The following ZCCHC14 variants were observed in gnomAD, a reference collection of about 807,000 sequenced individuals.
ZCCHC14 encodes the protein zinc finger CCHC-type containing 14, also known as zinc finger CCHC domain-containing protein 14.
In ZCCHC14, 16 loss-of-function variants were observed where a neutral mutation model predicts 85.0. The observed-to-expected ratio is 0.19, with a 90% CI of 0.13 to 0.29. ZCCHC14 has a LOEUF of 0.29. Ranked by LOEUF, ZCCHC14 falls within the 10% of genes least tolerant of loss-of-function variation. The pLI, the probability that ZCCHC14 is intolerant of heterozygous loss-of-function variation, is 1.00. For missense variants in ZCCHC14, 1,303 were observed against 1,443.5 expected, an observed-to-expected ratio of 0.90 and a Z score of 1.58; for synonymous variants, 775 against 630.7, an observed-to-expected ratio of 1.23 and a Z score of -3.43.
Position 87,420,867 on chromosome 16 carries a change from C to T in ZCCHC14, c.841-151G>A. On this transcript the variant is annotated intron_variant, in intron 4 of 12. Coordinates refer to ENST00000671377, the MANE Select transcript of ZCCHC14 (RefSeq NM_015144.3). The surrounding 1 kb of genome is among the most constrained non-coding windows in gnomAD (Gnocchi z 5.0). Reference sequence around the variant, plus strand: ...ACCTCCCGTCAGAGCTATTCTGGGGCCCACATCCACTTAGGGTGTAGAAAG... The same window carrying T: ...ACCTCCCGTCAGAGCTATTCTGGGGTCCACATCCACTTAGGGTGTAGAAAG... 2 of 577,918 alleles carry T rather than the reference C, an allele frequency of 3.5e-6. No homozygotes were observed. Among genetic ancestry groups the T allele is most frequent in the South Asian group, 2.2e-5 (1 of 44,826 alleles). 35.8% of individuals were successfully genotyped at this position (577,918 alleles called of 1,614,324 possible).
At chr16:87,432,577 G>A (rs561937504) in intron 3 of ZCCHC14, among the ~76,000 whole-genome samples, 1 of 152,264 alleles carries the variant, frequency 6.6e-6, no homozygotes, top group South Asian at 2.1e-4. Flanking sequence ...ACAGCGTCCA[G>A]GGAACGGGGT....
At chr16:87,470,441 G>A (rs1170529435) in intron 1 of ZCCHC14, 2 of 125,812 alleles carry the variant, frequency 1.6e-5, no homozygotes, top group South Asian at 4.3e-4. Context: ...TGCTCATAAA[G>A]CTGCAGGGGG....
rs1265228619 is a variant in ZCCHC14, at chr16:87,412,163, G to C, written c.2558C>G (p.Ser853Cys). Reference protein sequence around the residue: ...TASPSSHPSTSFANMATLPSC... With the variant: ...TASPSSHPSTCFANMATLPSC... ...GGGCAACGTGGCCATGTTGGCAAAGGACGTGGAGGGGTGGCTGCTGGGAGA... is the reference window on the plus strand; with the variant it reads ...GGGCAACGTGGCCATGTTGGCAAAGCACGTGGAGGGGTGGCTGCTGGGAGA... Residue 853 changes from serine to cysteine, a missense_variant, in exon 12 of 13, where the codon TCC becomes TGC. Ser to Cys is a moderately radical substitution (Grantham distance 112). Around this residue, in one of 7 missense-constraint regions of ZCCHC14, gnomAD observed 797 missense variants for 730.8 expected, o/e 1.09. Coordinates refer to ENST00000671377, the MANE Select transcript of ZCCHC14 (RefSeq NM_015144.3). 3.1e-6 allele frequency: 5 copies of C among 1,613,948 alleles called. No homozygotes were observed. Among genetic ancestry groups the C allele is most frequent in the Non-Finnish European group, 4.2e-6 (5 of 1,180,044 alleles).
intron 2 of ZCCHC14, among the ~76,000 whole-genome samples, chr16:87,449,999 A>G (rs1367313031): frequency 6.6e-6 from 1 of 152,226 alleles, no homozygotes; most frequent in Non-Finnish European, 1.5e-5. Context: ...GAACTGAAAA[A>G]TTGAGGCACT....
chr16:87,463,585 G>A (rs763165789), intron 1 of ZCCHC14, among the ~76,000 whole-genome samples: 5 of 152,122 alleles, frequency 3.3e-5, no homozygotes, highest in Admixed American at 2.0e-4. Flanking sequence ...CTGGGAGGCC[G>A]AGGCGGACAG....
intron 2 of ZCCHC14, among the ~76,000 whole-genome samples, chr16:87,455,352 C>T (rs1312809620): frequency 6.6e-6 from 1 of 151,906 alleles, no homozygotes; most frequent in African/African-American, 2.4e-5. Context: ...ATACCATGAG[C>T]TGGCCTCGGC....
chr16:87,433,942 CCTTT>C (rs2150738830), intron 2 of ZCCHC14, among the ~76,000 whole-genome samples: 1 of 152,342 alleles, frequency 6.6e-6, no homozygotes, highest in African/African-American at 2.4e-5. Context: ...CCGTGCCTGG[CCTTT>C]CTTTTCAGGA....
Position 87,454,459 on chromosome 16 carries a change from A to G in ZCCHC14, c.694+5549T>C, listed in dbSNP as rs1045662523. Among the ~76,000 whole-genome samples the G allele has an allele frequency of 2.8e-4, 43 of 152,268 alleles. 1 individual carries two copies. The highest frequency in any genetic ancestry group is 9.9e-4 in the African/African-American group (41 of 41,484). Reference sequence around the variant, plus strand: ...TAGAGGACTTTTCTTTAGAAAAACAAGAGCCAGAATATAGCAAAATGACAT... The same window carrying G: ...TAGAGGACTTTTCTTTAGAAAAACAGGAGCCAGAATATAGCAAAATGACAT... On this transcript the variant is annotated intron_variant, in intron 2 of 12. Coordinates refer to ENST00000671377, the MANE Select transcript of ZCCHC14 (RefSeq NM_015144.3).
intron 1 of ZCCHC14, among the ~76,000 whole-genome samples, chr16:87,482,514 TCCCAAACAAAATCC>T (rs1290857780): frequency 1.3e-5 from 2 of 152,038 alleles, no homozygotes; most frequent in African/African-American, 2.4e-5. Context: ...GCCATATTTA[TCCCAAACAAAATCC>T]CCCAAAAAAA....
At chr16:87,424,700 C>G (rs1909280175) in intron 3 of ZCCHC14, among the ~76,000 whole-genome samples, 1 of 152,070 alleles carries the variant, frequency 6.6e-6, no homozygotes, top group Non-Finnish European at 1.5e-5. Flanking sequence ...GGAGAGCGTA[C>G]TTTTTGCACA....
intron 1 of ZCCHC14, among the ~76,000 whole-genome samples, chr16:87,479,493 A>C (rs1298708696): frequency 6.6e-6 from 1 of 152,172 alleles, no homozygotes; most frequent in Non-Finnish European, 1.5e-5. Flanking sequence ...AAATGTCCCA[A>C]ATAATTAGAC....
chr16:87,455,451 A>C (rs373769383), intron 2 of ZCCHC14, among the ~76,000 whole-genome samples: 1 of 152,164 alleles, frequency 6.6e-6, no homozygotes, highest in Non-Finnish European at 1.5e-5. Flanking sequence ...AAAGGTAAAG[A>C]TGTGTAGTGC....
At chr16:87,468,369 G>C (rs927975784) in intron 1 of ZCCHC14, among the ~76,000 whole-genome samples, 2 of 152,044 alleles carry the variant, frequency 1.3e-5, no homozygotes, top group Non-Finnish European at 2.9e-5. Flanking sequence ...AAATTCAGGA[G>C]AGTATGTGTC....
intron 1 of ZCCHC14, among the ~76,000 whole-genome samples, chr16:87,468,338 T>C (rs539838362): frequency 3.6e-4 from 55 of 152,306 alleles, no homozygotes; most frequent in African/African-American, 1.3e-3. Flanking sequence ...CATTAAGAGA[T>C]ATCTTAAGGA....
At chr16:87,442,518 G>A (rs1401184061) in intron 2 of ZCCHC14, among the ~76,000 whole-genome samples, 1 of 152,098 alleles carries the variant, frequency 6.6e-6, no homozygotes, top group Non-Finnish European at 1.5e-5. Flanking sequence ...GAGATGCACA[G>A]ACAGACAGAA....
Position 87,411,767 on chromosome 16 carries a change from G to T in ZCCHC14, c.2954C>A (p.Pro985His). ...GCTGCTGTAAGGGGCGTGCACGACGGGGAAGGTGGAGCCGCCGCCGTACTG... is the reference window on the plus strand; with the variant it reads ...GCTGCTGTAAGGGGCGTGCACGACGTGGAAGGTGGAGCCGCCGCCGTACTG... ...AQQYGGGSTFPVVHAPYSSSG... is the reference protein window; with the variant it reads ...AQQYGGGSTFHVVHAPYSSSG... Residue 985 changes from proline (P) to histidine (H), a missense_variant, in exon 12 of 13, where the codon CCC becomes CAC. Physicochemically the swap from Pro to His is moderately conservative, Grantham distance 77. This residue lies in a region of ZCCHC14 where 797 missense variants were observed against 730.8 expected (regional missense o/e 1.09). Transcript: ENST00000671377. The T allele has an allele frequency of 6.2e-7, 1 of 1,612,002 alleles. No homozygotes were observed. The highest frequency in any genetic ancestry group is 8.5e-7 in the Non-Finnish European group (1 of 1,178,878).
intron 1 of ZCCHC14, among the ~76,000 whole-genome samples, chr16:87,488,715 C>CTA (rs1193402855): frequency 1.3e-5 from 2 of 152,160 alleles, no homozygotes; most frequent in Non-Finnish European, 2.9e-5. Flanking sequence ...GTAGCAGGGA[C>CTA]TACAAGTGTG....
At chr16:87,432,588 G>A (rs1909716134) in intron 3 of ZCCHC14, among the ~76,000 whole-genome samples, 1 of 152,082 alleles carries the variant, frequency 6.6e-6, no homozygotes, top group Non-Finnish European at 1.5e-5. Context: ...GGAACGGGGT[G>A]GCCTCCTGCA....
At chr16:87,449,811 G>A (rs570253397) in intron 2 of ZCCHC14, among the ~76,000 whole-genome samples, 21 of 152,288 alleles carry the variant, frequency 1.4e-4, no homozygotes, top group Non-Finnish European at 2.1e-4. Context: ...TTGGGAGGCC[G>A]AGGTGGGTGG....
Sources: allele counts gnomAD v4.1 joint callset (sites outside exome capture counted in the v4.1 genomes callset), GRCh38; gene constraint gnomAD v4.1.1; regional missense constraint gnomAD v4.1.1; non-coding constraint Gnocchi (gnomAD v3.1); transcripts MANE v1.5; gene names NCBI Gene and HGNC (gene_info 2026-07-23, HGNC 2026-07-21).